The following SLC35F3 variants were observed in gnomAD, a reference collection of about 807,000 sequenced individuals.
The protein encoded by SLC35F3 is putative thiamine transporter SLC35F3.
Under a neutral mutation model 49.9 loss-of-function variants are expected in SLC35F3, and 25 were observed. That is an observed-to-expected ratio of 0.50 (90% CI 0.37 to 0.70). The LOEUF (loss-of-function observed/expected upper bound fraction) is 0.70. Ranked by LOEUF, SLC35F3 falls within the 30% of genes least tolerant of loss-of-function variation. The pLI, the probability that SLC35F3 is intolerant of heterozygous loss-of-function variation, is 0.00. For missense variants in SLC35F3, 525 were observed against 639.8 expected, an observed-to-expected ratio of 0.82 and a Z score of 1.94; for synonymous variants, 275 against 265.4, an observed-to-expected ratio of 1.04 and a Z score of -0.35.
chr1:234,133,771 T>C (rs1665768909), intron 2 of SLC35F3, among the ~76,000 whole-genome samples: 1 of 152,242 alleles, frequency 6.6e-6, no homozygotes, highest in Non-Finnish European at 1.5e-5. Flanking sequence ...TAATGAGTAG[T>C]GCTAAAACTA....
intron 2 of SLC35F3, among the ~76,000 whole-genome samples, chr1:234,000,970 A>G (rs1663544588): frequency 6.6e-6 from 1 of 152,242 alleles, no homozygotes. Flanking sequence ...AGAGACAAAG[A>G]GAAGGAGCAA....
intron 2 of SLC35F3, among the ~76,000 whole-genome samples, chr1:234,068,872 A>T (rs28375703): frequency 1.6e-5 from 2 of 126,810 alleles, no homozygotes; most frequent in Non-Finnish European, 3.2e-5. Flanking sequence ...ATTTATATAT[A>T]TTTTACATAT....
chr1:234,214,776 G>A lies in SLC35F3; in HGVS notation c.284-16641G>A. ...CTGCCCTGAGCTCCCTGGCGAGCAG[G>A]AGTGAGCTGCTGCGGCGAGTGAGCA... On this transcript the variant is annotated intron_variant, in intron 2 of 7. Coordinates refer to ENST00000366618, the MANE Select transcript of SLC35F3 (RefSeq NM_173508.4). The surrounding 1 kb of genome is among the most constrained non-coding windows in gnomAD (Gnocchi z 8.0). 1.6e-6 allele frequency: 1 copy of A among 636,406 alleles called. No individual in the cohort carries two copies. Among genetic ancestry groups the A allele is most frequent in the African/African-American group, 1.9e-5 (1 of 51,954 alleles). 39.4% of individuals were successfully genotyped at this position (636,406 alleles called of 1,614,324 possible).
At position 234,214,088 on chromosome 1, in the gene SLC35F3, C is replaced by T; in HGVS notation, c.284-17329C>T. 1 of 804,030 alleles carries T rather than the reference C, an allele frequency of 1.2e-6. No individual in the cohort carries two copies. Among genetic ancestry groups the T allele is most frequent in the Non-Finnish European group, 1.5e-6 (1 of 658,358 alleles). 49.8% of individuals were successfully genotyped at this position (804,030 alleles called of 1,614,324 possible). ...AAAGGGCTTCTCAGAGAGGTGGTGG[C>T]CAGAGGCTGCAGTCAGGACCTGGCT... On this transcript the variant is annotated intron_variant, in intron 2 of 7. Transcript: ENST00000366618. The surrounding 1 kb of genome is among the most constrained non-coding windows in gnomAD (Gnocchi z 8.0).
At chr1:234,139,999 T>TAAAATA (rs1299007462) in intron 2 of SLC35F3, among the ~76,000 whole-genome samples, 1 of 110,004 alleles carries the variant, frequency 9.1e-6, no homozygotes, top group Non-Finnish European at 2.2e-5. Flanking sequence ...TAAAATAAAA[T>TAAAATA]AAAGTAAGTG....
At chr1:234,317,531 T>G (rs935747917) in intron 5 of SLC35F3, among the ~76,000 whole-genome samples, 4 of 152,222 alleles carry the variant, frequency 2.6e-5, no homozygotes, top group African/African-American at 9.7e-5. Flanking sequence ...CCTTTGTGGA[T>G]CCAGACAATA....
Position 234,214,379 on chromosome 1 carries a change from C to T in SLC35F3, c.284-17038C>T. ...GGAGGCCGGGACTGAGAGGGGCGAG[C>T]CGCTGGTGCTCCCCGGCGGCAGAGG... On this transcript the variant is annotated intron_variant, in intron 2 of 7. Transcript: ENST00000366618. The surrounding 1 kb of genome is among the most constrained non-coding windows in gnomAD (Gnocchi z 8.0). 4.4e-6 allele frequency: 6 copies of T among 1,358,864 alleles called. No individual in the cohort carries two copies. Among genetic ancestry groups the T allele is most frequent in the Non-Finnish European group, 5.7e-6 (6 of 1,055,808 alleles). 84.2% of individuals were successfully genotyped at this position (1,358,864 alleles called of 1,614,324 possible).
chr1:234,026,870 A>C (rs1376117708), intron 2 of SLC35F3: 1 of 152,298 alleles, frequency 6.6e-6, no homozygotes, highest in Non-Finnish European at 1.5e-5. Context: ...AAGTGTACAA[A>C]GGCTCCCTAA....
chr1:234,109,533 G>A (rs961977870), intron 2 of SLC35F3, among the ~76,000 whole-genome samples: 11 of 152,076 alleles, frequency 7.2e-5, no homozygotes, highest in South Asian at 2.1e-4. Context: ...TTCTCTGTGC[G>A]GTTGACTTCC....
intron 2 of SLC35F3, among the ~76,000 whole-genome samples, chr1:233,935,096 T>C (rs901285215): frequency 4.6e-5 from 7 of 151,748 alleles, no homozygotes; most frequent in African/African-American, 1.7e-4. Flanking sequence ...GTCATGATTA[T>C]TTTAAAGTTT....
At chr1:234,047,033 A>C (rs1295764346) in intron 2 of SLC35F3, among the ~76,000 whole-genome samples, 1 of 152,212 alleles carries the variant, frequency 6.6e-6, no homozygotes, top group Non-Finnish European at 1.5e-5. Context: ...ACTTGTCCAT[A>C]GTTCTTTAAT....
intron 2 of SLC35F3, among the ~76,000 whole-genome samples, chr1:234,127,233 ATCTT>A (rs1665663421): frequency 6.6e-6 from 1 of 152,174 alleles, no homozygotes; most frequent in Non-Finnish European, 1.5e-5. Flanking sequence ...TCACTTACCA[ATCTT>A]TAATAACTGT....
chr1:234,077,329 G>A (rs1664808059), intron 2 of SLC35F3, among the ~76,000 whole-genome samples: 4 of 152,342 alleles, frequency 2.6e-5, no homozygotes, highest in Non-Finnish European at 5.9e-5. Flanking sequence ...TTGACTCACA[G>A]TTCAACATGT....
At chr1:234,052,161 A>C (rs908014815) in intron 2 of SLC35F3, among the ~76,000 whole-genome samples, 2 of 152,194 alleles carry the variant, frequency 1.3e-5, no homozygotes, top group Non-Finnish European at 2.9e-5. Context: ...TCATAAAATG[A>C]GTTAGGGAGG....
At chr1:234,009,797 G>A (rs1412880071) in intron 2 of SLC35F3, among the ~76,000 whole-genome samples, 1 of 152,154 alleles carries the variant, frequency 6.6e-6, no homozygotes, top group African/African-American at 2.4e-5. Flanking sequence ...ATGACTATCA[G>A]CAGATTGCTC....
intron 2 of SLC35F3, among the ~76,000 whole-genome samples, chr1:234,004,888 T>A (rs1395933904): frequency 6.6e-6 from 1 of 152,146 alleles, no homozygotes; most frequent in East Asian, 1.9e-4. Context: ...ATCCTCTCAC[T>A]TGCAAATTTG....
chr1:233,934,163 C>G (rs1168259644), intron 2 of SLC35F3, among the ~76,000 whole-genome samples: 5 of 152,184 alleles, frequency 3.3e-5, no homozygotes, highest in African/African-American at 1.2e-4. Context: ...CAGAAGTATT[C>G]AGGCTATGAA....
intron 3 of SLC35F3, among the ~76,000 whole-genome samples, chr1:234,241,717 A>G (rs1667555087): frequency 6.7e-6 from 1 of 149,302 alleles, no homozygotes; most frequent in Non-Finnish European, 1.5e-5. Flanking sequence ...CCTGGGCAAC[A>G]AGAGTGACAC....
chr1:234,048,630 G>A (rs1160143825), intron 2 of SLC35F3, among the ~76,000 whole-genome samples: 4 of 24,308 alleles, frequency 1.6e-4, no homozygotes, highest in South Asian at 1.0e-3. Context: ...TGGCCAGGCC[G>A]CATCACCTGG....
Sources: allele counts gnomAD v4.1 joint callset (sites outside exome capture counted in the v4.1 genomes callset), GRCh38; gene constraint gnomAD v4.1.1; non-coding constraint Gnocchi (gnomAD v3.1); transcripts MANE v1.5; gene names NCBI Gene and HGNC (gene_info 2026-07-23, HGNC 2026-07-21).